The following RASGRF2 variants were observed in gnomAD, a reference collection of about 807,000 sequenced individuals.
The protein encoded by RASGRF2 is Ras protein specific guanine nucleotide releasing factor 2.
In RASGRF2, 76 loss-of-function variants were observed where a neutral mutation model predicts 151.0. The observed-to-expected ratio is 0.50, with a 90% CI of 0.42 to 0.61. The LOEUF is 0.61. Ranked by LOEUF, RASGRF2 falls within the 20% of genes least tolerant of loss-of-function variation. RASGRF2 has a pLI of 0.00. For missense variants in RASGRF2, 1,148 were observed against 1,564.6 expected (o/e 0.73, Z 4.49); for synonymous variants, 504 against 566.5 (o/e 0.89, Z 1.57).
chr5:80,972,874 A>G (rs576749699), intron 1 of RASGRF2, among the ~76,000 whole-genome samples: 4 of 152,298 alleles, frequency 2.6e-5, no homozygotes, highest in South Asian at 4.1e-4. Flanking sequence ...GTTAAACTAT[A>G]TGACCTACCA....
At chr5:81,055,538 T>C (rs1279449146) in intron 2 of RASGRF2, among the ~76,000 whole-genome samples, 1 of 152,230 alleles carries the variant, frequency 6.6e-6, no homozygotes, top group Non-Finnish European at 1.5e-5. Flanking sequence ...GCCAGTATTT[T>C]ATTGAGGATT....
chr5:81,146,645 G>C (rs1754013767), intron 17 of RASGRF2, among the ~76,000 whole-genome samples: 1 of 152,152 alleles, frequency 6.6e-6, no homozygotes, highest in Non-Finnish European at 1.5e-5. Context: ...CCATAGAGAA[G>C]TGGGAATTCT....
chr5:81,208,534 CTTTTTTTTTTTTTTTTTTTTT>C lies in RASGRF2; in HGVS notation c.3156+111_3156+131del, dbSNP rs71000806. ...TAAAACAAAGCAACTCTGTCACCCACTTTTTTTTTTTTTTTTTTTTTTTTTTTTTTTTTTTGAGACAGAGTC... is the reference window on the plus strand; with the variant it reads ...TAAAACAAAGCAACTCTGTCACCCACTTTTTTTTTTTTTTGAGACAGAGTC... On this transcript the variant is annotated intron_variant, in intron 22 of 26. Transcript: ENST00000265080. The C allele has an allele frequency of 4.7e-3, 1,168 of 250,702 alleles. 3 individuals carry two copies. Among genetic ancestry groups the C allele is most frequent in the Admixed American group, 6.9e-3 (114 of 16,558 alleles). The allele number at this position is 250,702 out of a possible 1,614,324, so 15.5% of individuals were successfully genotyped here.
At chr5:81,034,692 C>T (rs1277725681) in intron 1 of RASGRF2, among the ~76,000 whole-genome samples, 3 of 150,194 alleles carry the variant, frequency 2.0e-5, no homozygotes, top group South Asian at 2.1e-4. Context: ...AGTAAACTAT[C>T]GCAAGAACAA....
intron 2 of RASGRF2, among the ~76,000 whole-genome samples, chr5:81,045,260 C>T (rs887376995): frequency 1.3e-5 from 2 of 152,162 alleles, no homozygotes; most frequent in Admixed American, 6.5e-5. Flanking sequence ...TTAAAACATG[C>T]CTGTTTTCCT....
intron 1 of RASGRF2, among the ~76,000 whole-genome samples, chr5:80,993,557 A>G (rs930661458): frequency 3.9e-5 from 6 of 152,184 alleles, no homozygotes; most frequent in Non-Finnish European, 7.3e-5. Context: ...GACATTCTCA[A>G]ACTGGGCAAT....
intron 1 of RASGRF2, among the ~76,000 whole-genome samples, chr5:80,964,530 AAGACTTCTGGGG>A (rs1747664818): frequency 2.0e-5 from 3 of 152,110 alleles, no homozygotes; most frequent in African/African-American, 7.2e-5. Context: ...CTGAAACTCA[AAGACTTCTGGGG>A]AGATGATCAA....
chr5:81,170,734 A>G (rs2112658440), intron 17 of RASGRF2, among the ~76,000 whole-genome samples: 1 of 152,092 alleles, frequency 6.6e-6, no homozygotes, highest in Middle Eastern at 3.4e-3. Context: ...TCAATATTGG[A>G]ATTTACCTTA....
intron 19 of RASGRF2, among the ~76,000 whole-genome samples, chr5:81,206,164 A>G (rs1009678294): frequency 5.9e-5 from 9 of 152,198 alleles, no homozygotes; most frequent in African/African-American, 2.2e-4. Flanking sequence ...ACCAGTATTT[A>G]AGGTATTAAC....
intron 1 of RASGRF2, among the ~76,000 whole-genome samples, chr5:81,042,263 C>A (rs1312765977): frequency 6.6e-6 from 1 of 152,130 alleles, no homozygotes; most frequent in African/African-American, 2.4e-5. Context: ...ACATCTTGAC[C>A]CCTAGGATGG....
chr5:81,106,620 A>G (rs1561208304), intron 12 of RASGRF2, among the ~76,000 whole-genome samples: 1 of 152,120 alleles, frequency 6.6e-6, no homozygotes, highest in African/African-American at 2.4e-5. Context: ...TCTTCCATGT[A>G]TGTTCCCACT....
intron 2 of RASGRF2, among the ~76,000 whole-genome samples, chr5:81,058,050 T>C (rs1159391215): frequency 6.6e-6 from 1 of 152,042 alleles, no homozygotes; most frequent in Non-Finnish European, 1.5e-5. Flanking sequence ...CCAGCTATCT[T>C]GAAATATATA....
rs994608655 is a variant in RASGRF2, at chr5:81,228,110, G to C, written c.*2340G>C. ...GGGGTTTTTGTTTGTTTGAAAAACA[G>C]GGTCTCACCATGTTGCCCAGGCTGG... On this transcript the variant is annotated 3_prime_UTR_variant, in exon 27 of 27. Coordinates refer to ENST00000265080, the MANE Select transcript of RASGRF2 (RefSeq NM_006909.3). 4.6e-5 allele frequency: 7 copies of C among 152,376 alleles called. No homozygotes were observed. Among genetic ancestry groups the C allele is most frequent in the African/African-American group, 1.7e-4 (7 of 41,434 alleles). The allele number at this position is 152,376 out of a possible 1,614,324, so 9.4% of individuals were successfully genotyped here.
chr5:81,149,513 T>G (rs1334606430), intron 17 of RASGRF2, among the ~76,000 whole-genome samples: 2 of 152,006 alleles, frequency 1.3e-5, no homozygotes, highest in Non-Finnish European at 2.9e-5. Context: ...AAAGGCTATA[T>G]ATTGGGTACA....
intron 18 of RASGRF2, among the ~76,000 whole-genome samples, chr5:81,198,443 ATT>A (rs34980516): frequency 5.7e-4 from 84 of 147,166 alleles, no homozygotes; most frequent in African/African-American, 1.6e-3. Flanking sequence ...ATAGAACATG[ATT>A]TTTTTTTTTT....
chr5:81,141,771 T>C (rs1293170690), intron 17 of RASGRF2, among the ~76,000 whole-genome samples: 1 of 152,124 alleles, frequency 6.6e-6, no homozygotes, highest in Non-Finnish European at 1.5e-5. Flanking sequence ...AAATTAGTAG[T>C]CTGTGGATGG....
chr5:81,041,337 C>T (rs1750672446), intron 1 of RASGRF2, among the ~76,000 whole-genome samples: 1 of 151,642 alleles, frequency 6.6e-6, no homozygotes, highest in Non-Finnish European at 1.5e-5. Context: ...ATTGTACTGA[C>T]TGATCGTGAT....
chr5:81,008,475 T>G (rs756459068), intron 1 of RASGRF2, among the ~76,000 whole-genome samples: 17 of 152,188 alleles, frequency 1.1e-4, no homozygotes, highest in Non-Finnish European at 2.5e-4. Context: ...TACAGCTTAT[T>G]TTAGCACTTT....
At chr5:81,098,857 C>T (rs2112513913) in intron 12 of RASGRF2, among the ~76,000 whole-genome samples, 1 of 152,306 alleles carries the variant, frequency 6.6e-6, no homozygotes, top group South Asian at 2.1e-4. Context: ...TCAAGTGTAT[C>T]TCTGGACATA....
Sources: allele counts gnomAD v4.1 joint callset (sites outside exome capture counted in the v4.1 genomes callset), GRCh38; gene constraint gnomAD v4.1.1; transcripts MANE v1.5; gene names NCBI Gene and HGNC (gene_info 2026-07-23, HGNC 2026-07-21).